Variants in EML6 observed in about 807,000 individuals in gnomAD.
EML6 encodes the protein echinoderm microtubule-associated protein-like 6.
EML6 carries 154 observed loss-of-function variants against 240.1 expected under a neutral mutation model. The ratio of observed to expected loss-of-function variants is 0.64; its 90% CI spans 0.56 to 0.73. EML6 has a LOEUF of 0.73. Ranked by LOEUF, EML6 falls within the 30% of genes least tolerant of loss-of-function variation. EML6 has a pLI of 0.00. For synonymous variants in EML6, 1,148 were observed against 899.0 expected (o/e 1.28, Z -4.95); for missense variants, 2,964 against 2,474.6 (o/e 1.20, Z -4.20).
intron 10 of EML6, among the ~76,000 whole-genome samples, 191 bp from the exon 11 acceptor site, chr2:54,853,451 TA>T (rs5831325): frequency 0.72 from 108,779 of 151,990 alleles, 40,072 homozygotes; most frequent in African/African-American, 0.9. Context: ...ATTTTCTTTT[TA>T]ATGTCTGAGT....
chr2:54,884,181 G>T (rs1671994114), intron 17 of EML6, among the ~76,000 whole-genome samples: 1 of 152,174 alleles, frequency 6.6e-6, no homozygotes, highest in South Asian at 2.1e-4. Context: ...TAATTTGCTG[G>T]AGTTGCTCAG....
intron 35 of EML6, 122 bp from the exon 36 acceptor site, chr2:54,962,401 C>T (rs1469128148): frequency 6.6e-6 from 5 of 758,820 alleles, no homozygotes; most frequent in African/African-American, 5.4e-5. Flanking sequence ...GTCCACCACC[C>T]CCATTCACCG....
chr2:54,917,947 C>G (rs148730271), intron 26 of EML6, among the ~76,000 whole-genome samples: 368 of 152,306 alleles, frequency 2.4e-3, no homozygotes, highest in South Asian at 3.3e-3. Flanking sequence ...AGTGGGACTG[C>G]TACCTTCTTG....
chr2:54,884,219 C>T (rs369505651), intron 17 of EML6, among the ~76,000 whole-genome samples: 2,914 of 97,366 alleles, frequency 0.03, 93 homozygotes, highest in African/African-American at 0.094. Flanking sequence ...ACTTCATTTG[C>T]CAGGTTATTA....
chr2:54,914,145 G>C (rs1181553780), intron 25 of EML6, among the ~76,000 whole-genome samples: 3 of 151,894 alleles, frequency 2.0e-5, no homozygotes, highest in African/African-American at 7.3e-5. Context: ...CTCTTTTTTG[G>C]CTCCATATGA....
chr2:54,921,772 C>CAT (rs1674267699), intron 26 of EML6, among the ~76,000 whole-genome samples: 1 of 151,970 alleles, frequency 6.6e-6, no homozygotes, highest in African/African-American at 2.4e-5. Flanking sequence ...GAAATATATC[C>CAT]ATATATATTA....
At chr2:54,892,812 A>C (rs1672546620) in intron 19 of EML6, among the ~76,000 whole-genome samples, 156 bp downstream of exon 19, 1 of 152,184 alleles carries the variant, frequency 6.6e-6, no homozygotes, top group Non-Finnish European at 1.5e-5. Context: ...ATAGGGAGGA[A>C]AGCAAAGATA....
At chr2:54,847,709 T>G in intron 9 of EML6, 86 bp downstream of exon 9, 7 of 1,411,132 alleles carry the variant, frequency 5.0e-6, no homozygotes, top group Non-Finnish European at 5.8e-6. Flanking sequence ...TGCTAGGACC[T>G]TAGGAAAAAT....
At chr2:54,906,581 C>T (rs1303699468) in intron 24 of EML6, among the ~76,000 whole-genome samples, 1 of 152,158 alleles carries the variant, frequency 6.6e-6, no homozygotes, top group African/African-American at 2.4e-5. Flanking sequence ...AGCCACCATG[C>T]TTCTCATTGT....
intron 26 of EML6, among the ~76,000 whole-genome samples, chr2:54,927,272 T>A (rs1674600450): frequency 6.6e-6 from 1 of 152,206 alleles, no homozygotes; most frequent in Non-Finnish European, 1.5e-5. Context: ...CGATCTTGAC[T>A]AGGAGTATTA....
chr2:54,834,783 A>AC lies in EML6; in HGVS notation c.847+5307dup, dbSNP rs1178388440. ...ATGAGATGCCCTGCTTAGACTTGTC[A>AC]CTATCTCCACTGAACCTTCTCTGGT... On this transcript the variant is annotated intron_variant, in intron 7 of 41. Coordinates refer to ENST00000356458, the MANE Select transcript of EML6 (RefSeq NM_001039753.4). Among the ~76,000 whole-genome samples, 11 of 152,338 alleles carry AC rather than the reference A, an allele frequency of 7.2e-5. No individual in the cohort carries two copies. The East Asian group carries it at 2.1e-3, about 29-fold the overall frequency.
At chr2:54,878,873 A>C (rs1444964140) in intron 16 of EML6, among the ~76,000 whole-genome samples, 1 of 152,208 alleles carries the variant, frequency 6.6e-6, no homozygotes, top group Non-Finnish European at 1.5e-5. Flanking sequence ...ACATTTGTGT[A>C]AAGATTGGTA....
At chr2:54,918,565 C>T (rs1674055956) in intron 26 of EML6, among the ~76,000 whole-genome samples, 1 of 152,008 alleles carries the variant, frequency 6.6e-6, no homozygotes, top group Admixed American at 6.6e-5. Flanking sequence ...CAGGCTGGTC[C>T]CAAACTCTTG....
At chr2:54,824,592 T>A (rs1385543346) in intron 5 of EML6, among the ~76,000 whole-genome samples, 1 of 152,212 alleles carries the variant, frequency 6.6e-6, no homozygotes, top group Non-Finnish European at 1.5e-5. Context: ...AAATCCTTTT[T>A]GGCTTTGTAA....
chr2:54,765,987 T>C (rs1178775287), intron 2 of EML6, among the ~76,000 whole-genome samples: 3 of 152,194 alleles, frequency 2.0e-5, no homozygotes, highest in Admixed American at 6.5e-5. Context: ...TTTGCTTTAA[T>C]ATTCTCTCTC....
At chr2:54,755,342 G>C (rs1023990525) in intron 2 of EML6, among the ~76,000 whole-genome samples, 1 of 152,070 alleles carries the variant, frequency 6.6e-6, no homozygotes, top group Admixed American at 6.5e-5. Context: ...AGTATTCTGC[G>C]TCCTTTGTAT....
intron 33 of EML6, among the ~76,000 whole-genome samples, chr2:54,958,309 A>C (rs976578732): frequency 2.0e-5 from 3 of 152,104 alleles, no homozygotes; most frequent in Non-Finnish European, 4.4e-5. Context: ...CTCCTGCCTC[A>C]GCCTCCCAAG....
At chr2:54,921,411 T>G (rs1320761067) in intron 26 of EML6, among the ~76,000 whole-genome samples, 1 of 152,066 alleles carries the variant, frequency 6.6e-6, no homozygotes, top group African/African-American at 2.4e-5. Context: ...AAGACACTCA[T>G]GAAATAAATC....
Position 54,827,564 on chromosome 2 carries a change from A to G in EML6, c.526-2A>G. On this transcript the variant is annotated splice_acceptor_variant, in intron 5 of 41. Coordinates refer to ENST00000356458, the MANE Select transcript of EML6 (RefSeq NM_001039753.4). LOFTEE classifies it high-confidence loss of function. ...AGATCTATTTTATCACTTACATTGT[A>G]GTTTTGGACACTGTGTGGAAATGCC... 1 of 1,550,626 alleles carries G rather than the reference A, an allele frequency of 6.4e-7. No homozygotes were observed. The highest frequency in any genetic ancestry group is 8.7e-7 in the Non-Finnish European group (1 of 1,146,142).
Sources: gnomAD v4.1 joint callset for allele counts (sites outside exome capture counted in the v4.1 genomes callset) on GRCh38, gnomAD v4.1.1 for gene constraint, MANE v1.5 for transcripts, NCBI Gene and HGNC (gene_info 2026-07-23, HGNC 2026-07-21) for gene names.